The following SLC10A3 variants were observed in gnomAD, a reference collection of about 807,000 sequenced individuals.
SLC10A3 encodes the protein P3 protein.
Under a neutral mutation model 1.9 loss-of-function variants are expected in SLC10A3, and 1 was observed. The ratio of observed to expected loss-of-function variants is 0.52; its 90% confidence interval spans 0.19 to 2.48. The LOEUF is 2.48. Among genes scored for constraint, SLC10A3 ranks in the 30% most tolerant of loss-of-function variants. SLC10A3 has a pLI of 0.25. For synonymous variants in SLC10A3, 202 were observed against 189.3 expected, an observed-to-expected ratio of 1.07 and a Z score of -0.55; for missense variants, 317 against 398.5, an observed-to-expected ratio of 0.80 and a Z score of 1.74.
rs781989490 is a variant in SLC10A3, at chrX:154,488,384, T to G, written c.557A>C (p.His186Pro). 8.3e-7 allele frequency: 1 copy of G among 1,211,163 alleles called. No individual in the cohort carries two copies. Among genetic ancestry groups the G allele is most frequent in the Non-Finnish European group, 1.1e-6 (1 of 895,421 alleles). ...TPATLSADLAHFSENPILYLL... is the reference protein window; with the variant it reads ...TPATLSADLAPFSENPILYLL... Reference sequence around the variant, plus strand: ...GTAGAGGATTGGGTTTTCCGAGAAGTGGGCCAGGTCGGCGCTGAGGGTGGC... The same window carrying G: ...GTAGAGGATTGGGTTTTCCGAGAAGGGGGCCAGGTCGGCGCTGAGGGTGGC... Residue 186 changes from histidine (H) to proline (P), a missense_variant, in exon 2 of 2, where the codon CAC becomes CCC. By Grantham distance (77) the His-to-Pro change is moderately conservative. Coordinates refer to ENST00000651600, the MANE Select transcript of SLC10A3 (RefSeq NM_019848.5).
Position 154,490,310 on chromosome X carries a change from G to A in SLC10A3, c.-146C>T. 1 of 790,528 alleles carries A rather than the reference G, an allele frequency of 1.3e-6. No individual in the cohort carries two copies. Among genetic ancestry groups the A allele is most frequent in the Non-Finnish European group, 1.5e-6 (1 of 662,819 alleles). 65.1% of individuals were successfully genotyped at this position (790,528 alleles called of 1,213,427 possible). A position where few individuals can be genotyped will look rare whatever the true frequency, so the allele number is the denominator to read the frequency against. ...GCTAACAGGGGCTCCTCCCTACCTG[G>A]GAGTCCGGAAGTTGTCGGACGGGTG... is the stretch of plus-strand genomic sequence containing the variant. On this transcript the variant is annotated 5_prime_UTR_variant, in exon 1 of 2. Coordinates refer to ENST00000651600, the MANE Select transcript of SLC10A3 (RefSeq NM_019848.5).
At position 154,487,955 on chromosome X, in the gene SLC10A3, A is replaced by G; in HGVS notation, c.986T>C (p.Phe329Ser). ...GCCCACGGCTATGGGGATGGCAATG[A>G]ACAGCAGGGTCCCCAGGATCTTGGA... ...PISKILGTLL[F>S]IAIPIAVGVL... is the part of the protein sequence containing the mutation. Residue 329 changes from phenylalanine (F) to serine (S), a missense_variant, in exon 2 of 2, where the codon TTC becomes TCC. Phe to Ser is a radical substitution (Grantham distance 155). Coordinates refer to ENST00000651600, the MANE Select transcript of SLC10A3 (RefSeq NM_019848.5). 8.3e-7 allele frequency: 1 copy of G among 1,211,452 alleles called. No homozygotes were observed. Among genetic ancestry groups the G allele is most frequent in the Middle Eastern group, 2.3e-4 (1 of 4,353 alleles).
At position 154,488,602 on chromosome X, in the gene SLC10A3, C is replaced by T; in HGVS notation, c.339G>A (p.Glu113=). ...PMLRVTSLDT[E]VLTIKNVSAI... Reference sequence around the variant, plus strand: ...CACTCACGTTCTTGATGGTCAGCACCTCTGTGTCCAGGGAGGTGACCCTGA... The same window carrying T: ...CACTCACGTTCTTGATGGTCAGCACTTCTGTGTCCAGGGAGGTGACCCTGA... The change falls in exon 2 of 2, where the codon GAG becomes GAA. Residue 113 remains glutamate (E), a synonymous_variant. Coordinates refer to ENST00000651600, the MANE Select transcript of SLC10A3 (RefSeq NM_019848.5). 1 of 1,211,673 alleles carries T rather than the reference C, an allele frequency of 8.3e-7. No homozygotes were observed. Among genetic ancestry groups the T allele is most frequent in the Non-Finnish European group, 1.1e-6 (1 of 895,487 alleles).
rs1557213356 is a variant in SLC10A3, at chrX:154,487,714, C to T, written c.1227G>A (p.Leu409=). ...TGACCGTCCGCCGCTGGGCCACTGG[C>T]AGCTTCAGACACGTGGCTAGGCAGT... ...VGYCLATCLK[L]PVAQRRTVSI... Residue 409 remains leucine, a synonymous_variant, in exon 2 of 2, where the codon CTG becomes CTA. Transcript: ENST00000651600. The T allele has an allele frequency of 1.7e-6, 2 of 1,209,406 alleles. No individual in the cohort carries two copies. Among genetic ancestry groups the T allele is most frequent in the African/African-American group, 1.7e-5 (1 of 57,460 alleles).
At position 154,488,614 on chromosome X, in the gene SLC10A3, G is replaced by A. The variant is rs782207542; in HGVS notation, c.327C>T (p.Ser109=). ...TGATGGTCAGCACCTCTGTGTCCAG[G>A]GAGGTGACCCTGAGCATGGGGCCAG... ...TAPGPMLRVT[S]LDTEVLTIKN... is the part of the protein sequence containing the mutation. Residue 109 remains serine (S), a synonymous_variant, in exon 2 of 2, where the codon TCC becomes TCT. Coordinates refer to ENST00000651600, the MANE Select transcript of SLC10A3 (RefSeq NM_019848.5). 18 of 1,210,073 alleles carry A rather than the reference G, an allele frequency of 1.5e-5. No individual in the cohort carries two copies. Among genetic ancestry groups the A allele is most frequent in the Non-Finnish European group, 2.0e-5 (18 of 895,149 alleles).
rs374549116 is a variant in SLC10A3 at position 154,487,926 on chromosome X, G to T, written c.1015C>A (p.Leu339Met). 1 of 1,210,013 alleles carries T rather than the reference G, an allele frequency of 8.3e-7. No homozygotes were observed. The highest frequency in any genetic ancestry group is 1.1e-6 in the Non-Finnish European group (1 of 895,238). The change falls in exon 2 of 2, where the codon CTG becomes ATG. Residue 339 changes from leucine (L) to methionine (M), a missense_variant. Physicochemically the swap from Leu to Met is conservative, Grantham distance 15. Coordinates refer to ENST00000651600, the MANE Select transcript of SLC10A3 (RefSeq NM_019848.5). ...AACTTGGGGAGCTTGGACTTGATCAGCACGCCCACGGCTATGGGGATGGCA... is the reference window on the plus strand; with the variant it reads ...AACTTGGGGAGCTTGGACTTGATCATCACGCCCACGGCTATGGGGATGGCA... ...FIAIPIAVGV[L>M]IKSKLPKFSQ... is the part of the protein sequence containing the mutation.
chrX:154,490,060 G>A (rs1450971733), intron 1 of SLC10A3: 1 of 982,192 alleles, frequency 1.0e-6, no homozygotes, highest in Non-Finnish European at 1.3e-6. Context: ...GAAGCCACCG[G>A]GGTGATACAA....
intron 1 of SLC10A3, chrX:154,490,003 G>C: frequency 9.5e-7 from 1 of 1,048,390 alleles, no homozygotes; most frequent in Non-Finnish European, 1.2e-6. Flanking sequence ...AAAACCAGTG[G>C]GGTGGGAGAG....
In SLC10A3 at chrX:154,487,685, A is replaced by G; in HGVS notation, c.1256T>C (p.Ile419Thr). The G allele has an allele frequency of 8.3e-7, 1 of 1,210,351 alleles. No individual in the cohort carries two copies. Among genetic ancestry groups the G allele is most frequent in the Non-Finnish European group, 1.1e-6 (1 of 894,854 alleles). The part of the protein sequence containing the change: ...LPVAQRRTVS[I>T]EVGVQNSLLA... ...CAGGCTGTTCTGCACCCCTACCTCA[A>G]TGCTGACCGTCCGCCGCTGGGCCAC... Residue 419 changes from isoleucine to threonine, a missense_variant, in exon 2 of 2, where the codon ATT becomes ACT. Coordinates refer to ENST00000651600, the MANE Select transcript of SLC10A3 (RefSeq NM_019848.5).
chrX:154,487,649 G>T lies in SLC10A3; in HGVS notation c.1292C>A (p.Ala431Asp). The T allele has an allele frequency of 2.5e-6, 3 of 1,210,139 alleles. No homozygotes were observed. The highest frequency in any genetic ancestry group is 3.4e-6 in the Non-Finnish European group (3 of 894,803). ...GCGGCGGAGGGATAGCTGCAGCATGGCCAAGGCCAGCAGGCTGTTCTGCAC... is the reference window on the plus strand; with the variant it reads ...GCGGCGGAGGGATAGCTGCAGCATGTCCAAGGCCAGCAGGCTGTTCTGCAC... ...VGVQNSLLALAMLQLSLRRLQ... is the reference protein window; with the variant it reads ...VGVQNSLLALDMLQLSLRRLQ... Residue 431 changes from alanine to aspartate, a missense_variant, in exon 2 of 2, where the codon GCC (alanine) becomes GAC (aspartate). By Grantham distance (126) the Ala-to-Asp change is moderately radical. Transcript: ENST00000651600.
chrX:154,488,153 G>T lies in SLC10A3; in HGVS notation c.788C>A (p.Ser263Ter). 1 of 1,211,359 alleles carries T rather than the reference G, an allele frequency of 8.3e-7. No individual in the cohort carries two copies. Among genetic ancestry groups the T allele is most frequent in the Non-Finnish European group, 1.1e-6 (1 of 895,396 alleles). ...GTAGCTCCCCCCGCCGCCAGGCGACGAGCAGGTGATGATGAGGCCCAGAGC... is the reference window on the plus strand; with the variant it reads ...GTAGCTCCCCCCGCCGCCAGGCGACTAGCAGGTGATGATGAGGCCCAGAGC... The part of the protein sequence containing the change: ...ALALGLIITC[S>*]SPGGGGSYLF... Residue 263 changes from serine to a stop codon, truncating the protein, a stop_gained, in exon 2 of 2, where the codon TCG (serine) becomes TAG (stop). Coordinates refer to ENST00000651600, the MANE Select transcript of SLC10A3 (RefSeq NM_019848.5). LOFTEE classifies it low-confidence loss of function (END_TRUNC).
In SLC10A3 at chrX:154,488,275, G is replaced by C; in HGVS notation, c.666C>G (p.Ser222Arg). The change falls in exon 2 of 2, where the codon AGC becomes AGG. Residue 222 changes from serine (S) to arginine (R), a missense_variant. By Grantham distance (110) the Ser-to-Arg change is moderately radical. Coordinates refer to ENST00000651600, the MANE Select transcript of SLC10A3 (RefSeq NM_019848.5). ...ELEVLKGLMQ[S>R]PQPMLLGLLG... ...GGAGGCCCAGCAGCATGGGCTGGGG[G>C]CTCTGCATGAGCCCCTTCAGAACCT... is the stretch of plus-strand genomic sequence containing the variant. 8.3e-7 allele frequency: 1 copy of C among 1,211,109 alleles called. No homozygotes were observed. Among genetic ancestry groups the C allele is most frequent in the Admixed American group, 2.2e-5 (1 of 46,111 alleles).
Position 154,487,324 on chromosome X carries a change from T to G in SLC10A3, c.*183A>C. 1.8e-6 allele frequency: 1 copy of G among 565,178 alleles called. No individual in the cohort carries two copies. The highest frequency in any genetic ancestry group is 2.8e-6 in the Non-Finnish European group (1 of 357,157). 46.6% of individuals were successfully genotyped at this position (565,178 alleles called of 1,213,427 possible). A position where few individuals can be genotyped will look rare whatever the true frequency, so the allele number is the denominator to read the frequency against. ...AGGGACCCAAGCTTGCTTCTCTCTT[T>G]TATTGAAATATATTTTCTGGGCAGC... On this transcript the variant is annotated 3_prime_UTR_variant, in exon 2 of 2. Coordinates refer to ENST00000651600, the MANE Select transcript of SLC10A3 (RefSeq NM_019848.5).
rs369588762 is a variant in SLC10A3 at position 154,488,641 on chromosome X, C to A, written c.300G>T (p.Ala100=). The A allele has an allele frequency of 2.5e-6, 3 of 1,211,534 alleles. No homozygotes were observed. The highest frequency in any genetic ancestry group is 3.4e-6 in the Non-Finnish European group (3 of 895,310). Reference sequence around the variant, plus strand: ...AGGTGACCCTGAGCATGGGGCCAGGCGCCGTCCTGTTGGCCTGGCCTGGGT... The same window carrying A: ...AGGTGACCCTGAGCATGGGGCCAGGAGCCGTCCTGTTGGCCTGGCCTGGGT... ...SQYPGQANRT[A]PGPMLRVTSL... The change falls in exon 2 of 2, where the codon GCG becomes GCT. Residue 100 remains alanine, a synonymous_variant. Transcript: ENST00000651600.
Position 154,490,484 on chromosome X carries a change from C to T in SLC10A3, c.-320G>A. On this transcript the variant is annotated 5_prime_UTR_variant, in exon 1 of 2. Transcript: ENST00000651600. ...CCGCGGCCCCGCCAGGCCTCGCAAA[C>T]GCGCGGCGGCGGCGGCGGCCCTTCC... 1 of 448,115 alleles carries T rather than the reference C, an allele frequency of 2.2e-6. No individual in the cohort carries two copies. Among genetic ancestry groups the T allele is most frequent in the Non-Finnish European group, 2.8e-6 (1 of 359,593 alleles). 36.9% of individuals were successfully genotyped at this position (448,115 alleles called of 1,213,427 possible).
chrX:154,489,130 C>T (rs1459349077), intron 1 of SLC10A3, 48 bp from the exon 2 acceptor site: 10 of 1,159,531 alleles, frequency 8.6e-6, no homozygotes, highest in Non-Finnish European at 1.0e-5. Flanking sequence ...GGTCACTTAC[C>T]CTGGAGGCCT....
rs782525260 is a variant in SLC10A3 at position 154,488,365 on chromosome X, G to A, written c.576C>T (p.Ile192=). 8.3e-7 allele frequency: 1 copy of A among 1,211,897 alleles called. No homozygotes were observed. The highest frequency in any genetic ancestry group is 1.1e-6 in the Non-Finnish European group (1 of 895,625). ...AGATAAGAGGCAGGAGCAGGTAGAG[G>A]ATTGGGTTTTCCGAGAAGTGGGCCA... is the stretch of plus-strand genomic sequence containing the variant. ...ADLAHFSENP[I]LYLLLPLIFV... is the part of the protein sequence containing the mutation. The change falls in exon 2 of 2, where the codon ATC becomes ATT. Residue 192 remains isoleucine (I), a synonymous_variant. Coordinates refer to ENST00000651600, the MANE Select transcript of SLC10A3 (RefSeq NM_019848.5).
chrX:154,489,980 A>G, intron 1 of SLC10A3: 1 of 1,066,271 alleles, frequency 9.4e-7, no homozygotes, highest in East Asian at 3.7e-5. Context: ...TTACCTCTGA[A>G]GAGGGAGGCA....
intron 1 of SLC10A3, chrX:154,489,324 C>A (rs2069354513): frequency 4.0e-6 from 3 of 753,254 alleles, no homozygotes. Flanking sequence ...CTGGCCCACT[C>A]TACCTGCCCC....
Sources: allele counts gnomAD v4.1 joint callset, GRCh38; gene constraint gnomAD v4.1.1; transcripts MANE v1.5; gene names NCBI Gene and HGNC (gene_info 2026-07-23, HGNC 2026-07-21).